The following DDX46 variants were observed in gnomAD, a reference collection of about 807,000 sequenced individuals.
DDX46 encodes the protein DEAD-box helicase 46, also known as probable ATP-dependent RNA helicase DDX46.
Under a neutral mutation model 134.9 loss-of-function variants are expected in DDX46, and 30 were observed. That is an observed-to-expected ratio of 0.22 (90% CI 0.17 to 0.30). The LOEUF (loss-of-function observed/expected upper bound fraction) is 0.30, where lower values mean the gene tolerates loss of function less well. Among genes scored for constraint, DDX46 ranks in the 10% least tolerant of loss-of-function variants. The pLI, the probability that DDX46 is intolerant of heterozygous loss-of-function variation, is 1.00. For synonymous variants in DDX46, 415 were observed against 404.1 expected (o/e 1.03, Z -0.32); for missense variants, 622 against 1,248.7 (o/e 0.50, Z 7.56).
At chr5:134,815,706 C>CAA (rs374562980) in intron 18 of DDX46, among the ~76,000 whole-genome samples, 2,827 of 28,588 alleles carry the variant, frequency 0.099, 700 homozygotes, top group African/African-American at 0.22. Context: ...GACTCTGTCT[C>CAA]AAAAAAAAAA....
intron 7 of DDX46, 117 bp downstream of exon 7, chr5:134,781,363 G>A (rs75589259): frequency 0.058 from 43,808 of 761,704 alleles, 1,546 homozygotes; most frequent in Middle Eastern, 0.11. Context: ...CCAGAATTGA[G>A]AGACATTCTT....
chr5:134,795,204 GTTTT>G (rs879550711), intron 14 of DDX46, among the ~76,000 whole-genome samples, 190 bp downstream of exon 14: 2 of 125,754 alleles, frequency 1.6e-5, no homozygotes, highest in South Asian at 2.9e-4. Flanking sequence ...TAAAATGCTT[GTTTT>G]TTTTTTTTTT....
intron 12 of DDX46, among the ~76,000 whole-genome samples, chr5:134,789,048 G>C (rs1189368739): frequency 1.3e-5 from 2 of 152,022 alleles, no homozygotes; most frequent in Non-Finnish European, 2.9e-5. Context: ...TTCTCCACAT[G>C]AGCTAGTATT....
At chr5:134,827,095 C>T (rs529670140) in intron 22 of DDX46, 75 bp downstream of exon 22, 98 of 1,403,232 alleles carry the variant, frequency 7.0e-5, no homozygotes, top group Non-Finnish European at 9.0e-5. Context: ...CAGAGAAGTA[C>T]TCAAATCATA....
chr5:134,812,965 C>T (rs542292046), intron 18 of DDX46, among the ~76,000 whole-genome samples: 47 of 150,396 alleles, frequency 3.1e-4, no homozygotes, highest in African/African-American at 9.3e-4. Flanking sequence ...TTTTTTGAGA[C>T]GGAGTCTCGC....
At chr5:134,788,491 A>G in intron 11 of DDX46, 22 bp from the exon 12 acceptor site, 3 of 1,602,236 alleles carry the variant, frequency 1.9e-6, no homozygotes, top group African/African-American at 1.3e-5. Flanking sequence ...AATAGACTAT[A>G]AAGTTTCATC....
rs1206026925 is a variant in DDX46 at position 134,758,838 on chromosome 5, C to T, written c.-101C>T. 32 of 1,571,358 alleles carry T rather than the reference C, an allele frequency of 2.0e-5. No homozygotes were observed. The East Asian group carries it at 6.1e-4, about 30-fold the overall frequency. On this transcript the variant is annotated 5_prime_UTR_variant, in exon 1 of 23. Coordinates refer to ENST00000452510, the MANE Select transcript of DDX46 (RefSeq NM_001300860.2). ...AGCTGTAGGTGCTGCTAGTGTTTAG[C>T]GCTGGTCTTTGCCGGGCGTTGAGGG... is the stretch of plus-strand genomic sequence containing the variant.
Position 134,785,460 on chromosome 5 carries a change from T to C in DDX46, c.1343-5T>C, listed in dbSNP as rs1296599310. The C allele has an allele frequency of 1.9e-6, 3 of 1,612,326 alleles. No individual in the cohort carries two copies. Among genetic ancestry groups the C allele is most frequent in the Non-Finnish European group, 1.7e-6 (2 of 1,179,314 alleles). ...GTTAGGCTACTGATGTATTTATCTTTCCAGCTGTCATCATGACTCCAACTC... is the reference window on the plus strand; with the variant it reads ...GTTAGGCTACTGATGTATTTATCTTCCCAGCTGTCATCATGACTCCAACTC... On this transcript the variant is annotated splice_region_variant and splice_polypyrimidine_tract_variant and intron_variant, in intron 10 of 22. Transcript: ENST00000452510.
rs146277855 is a variant in DDX46, at chr5:134,800,216, G to A, written c.1954+4066G>A. 8.8e-3 allele frequency among the ~76,000 whole-genome samples: 1,336 copies of A among 152,288 alleles called. 14 individuals carry two copies. Among genetic ancestry groups the A allele is most frequent in the African/African-American group, 0.03 (1,238 of 41,562 alleles). Reference sequence around the variant, plus strand: ...ACCTGCCTCGGCCTTCCAAAGTGCTGGGGTTACAGGCGTGAGCTCCTGCAC... The same window carrying A: ...ACCTGCCTCGGCCTTCCAAAGTGCTAGGGTTACAGGCGTGAGCTCCTGCAC... On this transcript the variant is annotated intron_variant, in intron 15 of 22. Transcript: ENST00000452510.
chr5:134,821,992 A>T (rs1260842584), intron 21 of DDX46, among the ~76,000 whole-genome samples: 1 of 148,804 alleles, frequency 6.7e-6, no homozygotes, highest in Non-Finnish European at 1.5e-5. Context: ...TCCCAGGTTC[A>T]AGGAGTTCTC....
intron 14 of DDX46, among the ~76,000 whole-genome samples, 187 bp downstream of exon 14, chr5:134,795,201 C>CTTTTT (rs1301651132): frequency 1.4e-5 from 2 of 138,084 alleles, no homozygotes; most frequent in Admixed American, 7.0e-5. Flanking sequence ...ATTTAAAATG[C>CTTTTT]TTGTTTTTTT....
At chr5:134,785,706 A>G in intron 11 of DDX46, 120 bp downstream of exon 11, 1 of 1,188,354 alleles carries the variant, frequency 8.4e-7, no homozygotes, top group Non-Finnish European at 1.1e-6. Context: ...AATCATTTAA[A>G]AAATGAAGTA....
intron 22 of DDX46, among the ~76,000 whole-genome samples, chr5:134,827,951 C>A (rs913453400): frequency 2.0e-4 from 31 of 152,284 alleles, no homozygotes; most frequent in Admixed American, 2.0e-3. Context: ...AAAGAGGTTA[C>A]ATCAATTCAC....
At chr5:134,777,498 A>G in intron 5 of DDX46, 76 bp from the exon 6 acceptor site, 1 of 1,529,860 alleles carries the variant, frequency 6.5e-7, no homozygotes, top group Non-Finnish European at 8.9e-7. Flanking sequence ...AAGGTTAGAG[A>G]GGTGGGGTGT....
chr5:134,803,669 G>A (rs1338955335), intron 15 of DDX46, among the ~76,000 whole-genome samples: 1 of 152,040 alleles, frequency 6.6e-6, no homozygotes, highest in African/African-American at 2.4e-5. Context: ...GCTGTTAGTC[G>A]CTCTCTGGTG....
intron 1 of DDX46, among the ~76,000 whole-genome samples, chr5:134,759,991 C>G (rs1293804900): frequency 1.3e-5 from 2 of 152,158 alleles, no homozygotes; most frequent in African/African-American, 4.8e-5. Flanking sequence ...CTGGTTGTCC[C>G]TGACTTAATT....
intron 4 of DDX46, 141 bp from the exon 5 acceptor site, chr5:134,773,555 C>T: frequency 1.4e-5 from 11 of 785,162 alleles, no homozygotes; most frequent in South Asian, 8.1e-5. Flanking sequence ...CTAAGTCTAC[C>T]CTGAGGGGTT....
chr5:134,783,325 C>G (rs961327306), intron 9 of DDX46, among the ~76,000 whole-genome samples: 1 of 150,996 alleles, frequency 6.6e-6, no homozygotes. Context: ...TCTCACTGCG[C>G]TCACTGTGAC....
At chr5:134,785,418 C>T in intron 10 of DDX46, 47 bp from the exon 11 acceptor site, 2 of 1,592,608 alleles carry the variant, frequency 1.3e-6, no homozygotes. Flanking sequence ...TAAAGCACAG[C>T]CTTAAGAATT....
Sources: gnomAD v4.1 joint callset for allele counts (sites outside exome capture counted in the v4.1 genomes callset) on GRCh38, gnomAD v4.1.1 for gene constraint, MANE v1.5 for transcripts, NCBI Gene and HGNC (gene_info 2026-07-23, HGNC 2026-07-21) for gene names.